The following AK5 variants were observed in gnomAD, a reference collection of about 807,000 sequenced individuals.
AK5 encodes adenylate kinase isoenzyme 5.
AK5 carries 27 observed loss-of-function variants against 69.5 expected under a neutral mutation model. That is an observed-to-expected ratio of 0.39 (90% CI 0.29 to 0.54). AK5 has a LOEUF of 0.54. Ranked by LOEUF, AK5 falls within the 20% of genes least tolerant of loss-of-function variation. The pLI, the probability that AK5 is intolerant of heterozygous loss-of-function variation, is 0.71. For synonymous variants in AK5, 260 were observed against 244.4 expected (o/e 1.06, Z -0.60); for missense variants, 531 against 700.4 (o/e 0.76, Z 2.73).
At chr1:77,418,623 C>A (rs1408237353) in intron 8 of AK5, among the ~76,000 whole-genome samples, 1 of 152,136 alleles carries the variant, frequency 6.6e-6, no homozygotes, top group African/African-American at 2.4e-5. Flanking sequence ...TGAGCCAACC[C>A]CCTAATTAGG....
At chr1:77,464,255 C>G (rs925402174) in intron 8 of AK5, among the ~76,000 whole-genome samples, 3 of 152,156 alleles carry the variant, frequency 2.0e-5, no homozygotes, top group Admixed American at 6.5e-5. Flanking sequence ...TGCTTCCCAC[C>G]TGGCAGATTG....
At chr1:77,396,882 C>T (rs1648867507) in intron 6 of AK5, among the ~76,000 whole-genome samples, 1 of 152,200 alleles carries the variant, frequency 6.6e-6, no homozygotes, top group Non-Finnish European at 1.5e-5. Context: ...GGGATGTTTG[C>T]AAGATGCTTT....
At chr1:77,312,887 C>T (rs1660042339) in intron 5 of AK5, among the ~76,000 whole-genome samples, 1 of 152,026 alleles carries the variant, frequency 6.6e-6, no homozygotes. Context: ...ATGTGATTTT[C>T]ATGTGAGGAG....
intron 13 of AK5, among the ~76,000 whole-genome samples, chr1:77,557,652 C>G (rs568350897): frequency 6.6e-6 from 1 of 152,148 alleles, no homozygotes; most frequent in Non-Finnish European, 1.5e-5. Context: ...TTCTCCACAT[C>G]TCTCTCCCTC....
intron 6 of AK5, among the ~76,000 whole-genome samples, chr1:77,344,562 A>T (rs1006206054): frequency 2.0e-5 from 3 of 152,070 alleles, no homozygotes; most frequent in African/African-American, 7.2e-5. Flanking sequence ...GTGTCTCTTG[A>T]CATTTTGGAG....
At position 77,518,741 on chromosome 1, in the gene AK5, C is replaced by T. The variant is rs757945522; in HGVS notation, c.1311+14C>T. On this transcript the variant is annotated intron_variant, in intron 11 of 13. Transcript: ENST00000354567. ...CTGGTGCCCTCAGTAAGCAACATGG[C>T]CTGACCCACATTACTGCCTTTCCTG... is the stretch of plus-strand genomic sequence containing the variant. 1 of 1,612,602 alleles carries T rather than the reference C, an allele frequency of 6.2e-7. No homozygotes were observed.
intron 5 of AK5, among the ~76,000 whole-genome samples, chr1:77,303,224 T>G (rs1180418581): frequency 6.6e-6 from 1 of 152,212 alleles, no homozygotes; most frequent in Non-Finnish European, 1.5e-5. Context: ...TCTTTCCAAC[T>G]CTAGAGCAAC....
intron 13 of AK5, among the ~76,000 whole-genome samples, chr1:77,538,666 T>A (rs1376183833): frequency 3.3e-5 from 5 of 150,864 alleles, no homozygotes; most frequent in Non-Finnish European, 5.9e-5. Context: ...AAAAAAAAAA[T>A]TAAAAAAAAG....
intron 1 of AK5, among the ~76,000 whole-genome samples, chr1:77,286,080 A>T (rs558213058): frequency 1.3e-5 from 2 of 152,212 alleles, no homozygotes; most frequent in African/African-American, 4.8e-5. Flanking sequence ...AGACAAACCT[A>T]GGGATTCAGA....
At chr1:77,439,944 T>TA (rs1192048499) in intron 8 of AK5, among the ~76,000 whole-genome samples, 1 of 152,162 alleles carries the variant, frequency 6.6e-6, no homozygotes, top group African/African-American at 2.4e-5. Flanking sequence ...TTCAGCATAC[T>TA]GCTTTCTGGG....
chr1:77,486,451 T>C, intron 10 of AK5, 99 bp downstream of exon 10: 2 of 806,144 alleles, frequency 2.5e-6, no homozygotes, highest in Non-Finnish European at 3.9e-6. Flanking sequence ...ATCCCAGCAC[T>C]GTGGGAGGCC....
At chr1:77,529,032 TTAA>T (rs1446784266) in intron 12 of AK5, among the ~76,000 whole-genome samples, 4 of 152,232 alleles carry the variant, frequency 2.6e-5, no homozygotes, top group Non-Finnish European at 4.4e-5. Context: ...TACAGTTTTT[TTAA>T]TAATGTGTAT....
intron 7 of AK5, among the ~76,000 whole-genome samples, chr1:77,417,316 G>C (rs1030881576): frequency 6.6e-6 from 1 of 152,108 alleles, no homozygotes; most frequent in African/African-American, 2.4e-5. Context: ...ACCTCATGAA[G>C]AATCTTAACT....
chr1:77,434,064 C>T (rs1257281359), intron 8 of AK5, among the ~76,000 whole-genome samples: 3 of 149,458 alleles, frequency 2.0e-5, no homozygotes, highest in Admixed American at 6.6e-5. Context: ...AGAAAACAAC[C>T]GTGGCTTAAA....
intron 13 of AK5, among the ~76,000 whole-genome samples, chr1:77,549,534 T>C (rs563835912): frequency 2.6e-5 from 4 of 152,312 alleles, no homozygotes; most frequent in Admixed American, 6.5e-5. Flanking sequence ...TGCTATCAAA[T>C]ACTAGATCAC....
At chr1:77,404,683 C>G (rs577272461) in intron 6 of AK5, among the ~76,000 whole-genome samples, 1 of 152,260 alleles carries the variant, frequency 6.6e-6, no homozygotes, top group Admixed American at 6.5e-5. Context: ...TGACTTAATT[C>G]TGTGGTCCTG....
intron 13 of AK5, among the ~76,000 whole-genome samples, chr1:77,536,511 A>G (rs1428544496): frequency 6.6e-6 from 1 of 152,216 alleles, no homozygotes; most frequent in Non-Finnish European, 1.5e-5. Context: ...CTTCACTTCT[A>G]TTTCAATCAA....
At chr1:77,392,756 G>C (rs1648569688) in intron 6 of AK5, among the ~76,000 whole-genome samples, 1 of 151,156 alleles carries the variant, frequency 6.6e-6, no homozygotes, top group Non-Finnish European at 1.5e-5. Flanking sequence ...GTGGCCAAAG[G>C]AATGATTGCT....
intron 13 of AK5, among the ~76,000 whole-genome samples, chr1:77,547,878 C>T (rs1031594878): frequency 6.6e-6 from 1 of 152,142 alleles, no homozygotes; most frequent in Non-Finnish European, 1.5e-5. Flanking sequence ...CCAGAAACCA[C>T]GTGTGGCTAG....
Sources: gnomAD v4.1 joint callset for allele counts (sites outside exome capture counted in the v4.1 genomes callset) on GRCh38, gnomAD v4.1.1 for gene constraint, MANE v1.5 for transcripts, NCBI Gene and HGNC (gene_info 2026-07-23, HGNC 2026-07-21) for gene names.